Variants in USP34 observed in about 807,000 individuals in gnomAD.
USP34 encodes the protein ubiquitin carboxyl-terminal hydrolase 34.
Under a neutral mutation model 460.3 loss-of-function variants are expected in USP34, and 70 were observed. The observed-to-expected ratio is 0.15, with a 90% CI of 0.13 to 0.19. The LOEUF (loss-of-function observed/expected upper bound fraction) is 0.19. Among genes scored for constraint, USP34 ranks in the 10% least tolerant of loss-of-function variants. The pLI, the probability that USP34 is intolerant of heterozygous loss-of-function variation, is 1.00. For missense variants in USP34, 3,985 were observed against 4,236.2 expected (o/e 0.94, Z 1.65); for synonymous variants, 1,647 against 1,405.3 (o/e 1.17, Z -3.85).
At chr2:61,380,019 CAG>C in intron 7 of USP34, 148 bp downstream of exon 7, 1 of 585,944 alleles carries the variant, frequency 1.7e-6, no homozygotes, top group Non-Finnish European at 2.8e-6. Flanking sequence ...AAGAGAAACA[CAG>C]AAATTATTTG....
At position 61,418,987 on chromosome 2, in the gene USP34, GTTTA is replaced by G. The variant is rs151015901; in HGVS notation, c.131+1755_131+1758del. ...TTTAACAATTTTAATTAAAATATGT[GTTTA>G]TTAAGTCCTTTTAGCAAATACAGTG... On this transcript the variant is annotated intron_variant, in intron 2 of 79. Transcript: ENST00000398571. 9.3e-3 allele frequency among the ~76,000 whole-genome samples: 1,410 copies of G among 152,248 alleles called. 21 individuals are homozygous for G. Among genetic ancestry groups the G allele is most frequent in the African/African-American group, 0.032 (1,334 of 41,536 alleles).
In USP34 at chr2:61,196,247, A is replaced by ATT. The variant is rs1232973598; in HGVS notation, c.9509-3269_9509-3268dup. Among the ~76,000 whole-genome samples, 14 of 136,164 alleles carry ATT rather than the reference A, an allele frequency of 1.0e-4. 1 individual carries two copies. Among genetic ancestry groups the ATT allele is most frequent in the African/African-American group, 3.2e-4 (12 of 37,028 alleles). The allele number at this position is 136,164 out of a possible 152,430, so 89.3% of individuals were successfully genotyped here. ...AGGTGCCCGCCACCATGCCTGGCTA[A>ATT]TTTTTTTTTTTTTTTTGTATTTTTA... On this transcript the variant is annotated intron_variant, in intron 75 of 79. Coordinates refer to ENST00000398571, the MANE Select transcript of USP34 (RefSeq NM_014709.4).
chr2:61,444,793 C>CA (rs1695061594), intron 1 of USP34, among the ~76,000 whole-genome samples: 2 of 152,152 alleles, frequency 1.3e-5, no homozygotes, highest in South Asian at 2.1e-4. Flanking sequence ...ATATACCTGG[C>CA]AGGTGTCCAC....
chr2:61,187,668 C>A lies in USP34; in HGVS notation c.*434G>T, dbSNP rs995519038. The A allele has an allele frequency of 1.3e-5, 7 of 559,554 alleles. No homozygotes were observed. The highest frequency in any genetic ancestry group is 1.6e-5 in the Non-Finnish European group (7 of 439,554). 34.7% of individuals were successfully genotyped at this position (559,554 alleles called of 1,614,324 possible). A position where few individuals can be genotyped will look rare whatever the true frequency, so the allele number is the denominator to read the frequency against. ...AGAATCAAATTTCTTGTGGTTGTTC[C>A]GTATACAAGTAAACTTAATTTTGAT... On this transcript the variant is annotated 3_prime_UTR_variant, in exon 80 of 80. Coordinates refer to ENST00000398571, the MANE Select transcript of USP34 (RefSeq NM_014709.4).
chr2:61,294,778 A>T (rs1315960043), intron 32 of USP34, among the ~76,000 whole-genome samples, 171 bp downstream of exon 32: 1 of 152,176 alleles, frequency 6.6e-6, no homozygotes. Context: ...CCAAGGCATT[A>T]AATAATCTCA....
At chr2:61,450,210 T>C (rs1277091772) in intron 1 of USP34, among the ~76,000 whole-genome samples, 1 of 152,204 alleles carries the variant, frequency 6.6e-6, no homozygotes, top group Non-Finnish European at 1.5e-5. Context: ...TAGTATTCCA[T>C]ATACACGAAA....
At chr2:61,318,340 G>A (rs556600785) in intron 22 of USP34, among the ~76,000 whole-genome samples, 1 of 152,194 alleles carries the variant, frequency 6.6e-6, no homozygotes, top group Admixed American at 6.5e-5. Flanking sequence ...ATCATGCATT[G>A]TATACCTATA....
At chr2:61,317,547 G>T in intron 23 of USP34, 107 bp downstream of exon 23, 1 of 950,646 alleles carries the variant, frequency 1.1e-6, no homozygotes, top group Non-Finnish European at 1.6e-6. Context: ...CAACTGCACT[G>T]CACAGGTAGT....
chr2:61,336,809 CAAAAAAAAA>C (rs10593128), intron 18 of USP34, among the ~76,000 whole-genome samples: 6 of 65,052 alleles, frequency 9.2e-5, no homozygotes, highest in African/African-American at 3.6e-4. Flanking sequence ...GACTCCATCT[CAAAAAAAAA>C]AAAAAAAAAA....
rs780662846 is a variant in USP34 at position 61,293,554 on chromosome 2, T to C, written c.4462-4A>G. ...GAAGCCCTCCAGCAGCAACAAACTG[T>C]AGGCAATTGTGAAAGTAATAGTAAG... is the stretch of plus-strand genomic sequence containing the variant. On this transcript the variant is annotated splice_region_variant and splice_polypyrimidine_tract_variant and intron_variant, in intron 32 of 79. Coordinates refer to ENST00000398571, the MANE Select transcript of USP34 (RefSeq NM_014709.4). 2.5e-6 allele frequency: 4 copies of C among 1,609,812 alleles called. No homozygotes were observed. The South Asian group carries it at 4.4e-5, about 18-fold the overall frequency.
intron 75 of USP34, among the ~76,000 whole-genome samples, chr2:61,202,327 G>A (rs1686999314): frequency 6.6e-6 from 1 of 152,152 alleles, no homozygotes; most frequent in Non-Finnish European, 1.5e-5. Flanking sequence ...AGTTCCGCAA[G>A]TATTTCACGT....
At chr2:61,337,998 T>C (rs967342698) in intron 18 of USP34, among the ~76,000 whole-genome samples, 1 of 152,170 alleles carries the variant, frequency 6.6e-6, no homozygotes, top group African/African-American at 2.4e-5. Flanking sequence ...TGATGACATA[T>C]CATCCAGCCA....
intron 43 of USP34, 136 bp downstream of exon 43, chr2:61,265,260 AG>A (rs1431033777): frequency 2.3e-6 from 2 of 875,152 alleles, no homozygotes; most frequent in African/African-American, 1.7e-5. Context: ...AATACACATT[AG>A]CTAGTTACTG....
chr2:61,267,190 T>C (rs909514913), intron 41 of USP34, among the ~76,000 whole-genome samples: 2 of 152,216 alleles, frequency 1.3e-5, no homozygotes, highest in Non-Finnish European at 2.9e-5. Context: ...TTTCATGATT[T>C]TGCTTTGTAT....
At chr2:61,200,831 AAC>A (rs1166929102) in intron 75 of USP34, 1 of 152,264 alleles carries the variant, frequency 6.6e-6, no homozygotes, top group East Asian at 1.9e-4. Flanking sequence ...TCTCCTTGGA[AAC>A]AGTCATTCGG....
rs960271259 is a variant in USP34 at position 61,397,078 on chromosome 2, G to T, written c.553-1845C>A. 7.2e-5 allele frequency among the ~76,000 whole-genome samples: 11 copies of T among 152,150 alleles called. No homozygotes were observed. In the East Asian group the frequency reaches 2.1e-3, roughly 29 times the overall value. On this transcript the variant is annotated intron_variant, in intron 3 of 79. Coordinates refer to ENST00000398571, the MANE Select transcript of USP34 (RefSeq NM_014709.4). The stretch of plus-strand genomic sequence containing the variant: ...TTGGAAATATCTCAACTTTTTTTGA[G>T]AAGAGAATGAAGAAAAAAGAGAAGT...
At chr2:61,442,316 C>CA (rs1288524924) in intron 1 of USP34, among the ~76,000 whole-genome samples, 1 of 150,034 alleles carries the variant, frequency 6.7e-6, no homozygotes, top group Non-Finnish European at 1.5e-5. Context: ...TAAAAAAAGA[C>CA]AACCTACAGA....
chr2:61,214,841 T>C (rs1340285059), intron 67 of USP34, 147 bp from the exon 68 acceptor site: 17 of 945,530 alleles, frequency 1.8e-5, no homozygotes, highest in Non-Finnish European at 2.4e-5. Flanking sequence ...CTTTCTGCTT[T>C]CCCCTTGGCC....
chr2:61,310,488 C>G (rs1690551777), intron 27 of USP34, among the ~76,000 whole-genome samples: 1 of 151,518 alleles, frequency 6.6e-6, no homozygotes, highest in Non-Finnish European at 1.5e-5. Flanking sequence ...GCAAACAGAA[C>G]AGTAAAAATA....
Sources: gnomAD v4.1 joint callset for allele counts (sites outside exome capture counted in the v4.1 genomes callset) on GRCh38, gnomAD v4.1.1 for gene constraint, MANE v1.5 for transcripts, NCBI Gene and HGNC (gene_info 2026-07-23, HGNC 2026-07-21) for gene names.